CYB5D2: variants seen among roughly 807,000 people sequenced by gnomAD.
CYB5D2 encodes neuferricin.
In CYB5D2, 23 loss-of-function variants were observed where a neutral mutation model predicts 22.8. That is an observed-to-expected ratio of 1.01 (90% confidence interval 0.73 to 1.43). CYB5D2 has a LOEUF of 1.43. CYB5D2 is among the 40% of genes most tolerant of loss of function. The pLI, the probability that CYB5D2 is intolerant of heterozygous loss-of-function variation, is 0.00. For synonymous variants in CYB5D2, 170 were observed against 152.2 expected (o/e 1.12, Z -0.86); for missense variants, 373 against 357.2 (o/e 1.04, Z -0.36).
At chr17:4,144,046 G>C (rs746341306) in intron 1 of CYB5D2, 41 bp downstream of exon 1, 2 of 1,539,146 alleles carry the variant, frequency 1.3e-6, no homozygotes, top group South Asian at 2.5e-5. Context: ...CCGCTGGCGC[G>C]AGCCAGTAGC....
chr17:4,156,496 G>A (rs189660537), intron 3 of CYB5D2, among the ~76,000 whole-genome samples: 4 of 152,378 alleles, frequency 2.6e-5, no homozygotes, highest in East Asian at 3.9e-4. Flanking sequence ...GAGGACAGTC[G>A]CACCCAGACA....
At position 4,154,679 on chromosome 17, in the gene CYB5D2, GT is replaced by G. The variant is rs1263641449; in HGVS notation, c.398del (p.Val133GlyfsTer16). On this transcript the variant is annotated frameshift_variant, in exon 3 of 4. Transcript: ENST00000301391. LOFTEE classifies it high-confidence loss of function. ...YEKNYVCVGRVTGRFYGEDGL... is the reference protein window; with the variant it reads ...YEKNYVCVGRXTGRFYGEDGL... ...CTGCCTTCCTGTCATCACAGGGAGG[GT>G]GACAGGACGGTTCTACGGAGAGGAT... 6.2e-7 allele frequency: 1 copy of G among 1,613,542 alleles called. No individual in the cohort carries two copies. Among genetic ancestry groups the G allele is most frequent in the Non-Finnish European group, 8.5e-7 (1 of 1,179,768 alleles).
chr17:4,149,813 AAG>A, intron 1 of CYB5D2, 76 bp from the exon 2 acceptor site: 3 of 1,545,678 alleles, frequency 1.9e-6, no homozygotes, highest in Non-Finnish European at 1.7e-6. Flanking sequence ...AAAAAAGAAA[AAG>A]AAAGAAAACA....
intron 3 of CYB5D2, among the ~76,000 whole-genome samples, chr17:4,155,744 G>T (rs1054917599): frequency 6.6e-6 from 1 of 152,202 alleles, no homozygotes; most frequent in Non-Finnish European, 1.5e-5. Context: ...GCCTGCGTGC[G>T]TTCAGATGCT....
Position 4,151,998 on chromosome 17 carries a change from CCT to C in CYB5D2, c.391+1968_391+1969del, listed in dbSNP as rs561393193. 5.2e-3 allele frequency among the ~76,000 whole-genome samples: 772 copies of C among 149,870 alleles called. 7 individuals carry two copies. Among genetic ancestry groups the C allele is most frequent in the African/African-American group, 0.018 (735 of 40,348 alleles). The stretch of plus-strand genomic sequence containing the variant: ...TCCAGCCTGGGCAACGGAGTGAGAC[CCT>C]GTCTCAAAAAAAAAAAAAAAAGAAC... On this transcript the variant is annotated intron_variant, in intron 2 of 3. Coordinates refer to ENST00000301391, the MANE Select transcript of CYB5D2 (RefSeq NM_144611.4).
intron 1 of CYB5D2, among the ~76,000 whole-genome samples, chr17:4,145,182 A>G (rs984037853): frequency 1.4e-4 from 21 of 152,368 alleles, no homozygotes; most frequent in African/African-American, 4.1e-4. Flanking sequence ...GCCTAAGATC[A>G]GCTACTAGGC....
At chr17:4,154,233 C>A (rs8078296) in intron 2 of CYB5D2, among the ~76,000 whole-genome samples, 3 of 152,156 alleles carry the variant, frequency 2.0e-5, no homozygotes, top group Non-Finnish European at 4.4e-5. Context: ...ATTGCTTGAG[C>A]CCAGAAGTTC....
rs112511134 is a variant in CYB5D2, at chr17:4,146,219, G to A, written c.250+2214G>A. Among the ~76,000 whole-genome samples the A allele has an allele frequency of 1.1e-3, 168 of 151,120 alleles. 2 individuals are homozygous for A. Among genetic ancestry groups the A allele is most frequent in the African/African-American group, 3.9e-3 (159 of 41,058 alleles). ...CAATATTCTTGTGCCCCAGCCTCCC[G>A]AGGAGCTAGGATTACAGGCGTGTGC... On this transcript the variant is annotated intron_variant, in intron 1 of 3. Transcript: ENST00000301391.
intron 1 of CYB5D2, among the ~76,000 whole-genome samples, chr17:4,146,055 G>A (rs1392169675): frequency 6.6e-6 from 1 of 152,064 alleles, no homozygotes; most frequent in Non-Finnish European, 1.5e-5. Context: ...CGCTGAAAGT[G>A]TTGGGATTAC....
chr17:4,146,918 A>G (rs2058998905), intron 1 of CYB5D2, among the ~76,000 whole-genome samples: 1 of 151,922 alleles, frequency 6.6e-6, no homozygotes, highest in Admixed American at 6.6e-5. Context: ...ACCTAGCATC[A>G]TGTTTTAAGG....
chr17:4,146,728 A>G (rs2058996938), intron 1 of CYB5D2, among the ~76,000 whole-genome samples: 2 of 151,736 alleles, frequency 1.3e-5, no homozygotes, highest in South Asian at 2.1e-4. Context: ...GAAATTTGTA[A>G]AAATGTCACC....
At position 4,156,979 on chromosome 17, in the gene CYB5D2, C is replaced by T. The variant is rs141654519; in HGVS notation, c.692C>T (p.Pro231Leu). Residue 231 changes from proline (P) to leucine (L), a missense_variant, in exon 4 of 4, where the codon CCG becomes CTG. Transcript: ENST00000301391. Reference protein sequence around the residue: ...RTTGPPSGQMPDNPPHRNRGD... With the variant: ...RTTGPPSGQMLDNPPHRNRGD... ...ACCGGCCCCCCTAGTGGCCAGATGCCGGACAACCCTCCACACAGAAATCGT... is the reference window on the plus strand; with the variant it reads ...ACCGGCCCCCCTAGTGGCCAGATGCTGGACAACCCTCCACACAGAAATCGT... 2.5e-5 allele frequency: 40 copies of T among 1,612,744 alleles called. No homozygotes were observed. Among genetic ancestry groups the T allele is most frequent in the Middle Eastern group, 4.0e-4 (2 of 4,986 alleles).
At chr17:4,150,105 T>C in intron 2 of CYB5D2, 74 bp downstream of exon 2, 1 of 1,560,884 alleles carries the variant, frequency 6.4e-7, no homozygotes, top group Non-Finnish European at 8.7e-7. Flanking sequence ...TTTTTAGGGA[T>C]TGGGTTCAAG....
Position 4,143,529 on chromosome 17 carries a change from G to GAAAA in CYB5D2, c.-215_-212dup. ...CAACAAGAGCTAAAACTCTGTCTCA[G>GAAAA]AAAAAAAAAAAAAAAGTACCTGGAA... On this transcript the variant is annotated 5_prime_UTR_variant, in exon 1 of 4. Transcript: ENST00000301391. The GAAAA allele has an allele frequency of 2.8e-6, 1 of 357,060 alleles. No homozygotes were observed. The allele number at this position is 357,060 out of a possible 1,614,324, so 22.1% of individuals were successfully genotyped here.
intron 3 of CYB5D2, 144 bp from the exon 4 acceptor site, chr17:4,156,722 C>T (rs2059115630): frequency 3.5e-6 from 3 of 849,840 alleles, no homozygotes; most frequent in Non-Finnish European, 5.4e-6. Flanking sequence ...GGCTCAGGGG[C>T]TGAGCGCTGT....
rs762949648 is a variant in CYB5D2 at position 4,156,848 on chromosome 17, C to G, written c.579-18C>G. 8 of 1,612,066 alleles carry G rather than the reference C, an allele frequency of 5.0e-6. No individual in the cohort carries two copies. Among genetic ancestry groups the G allele is most frequent in the Non-Finnish European group, 6.8e-6 (8 of 1,179,782 alleles). ...TGAGTTCTCACATTTAAGAAGTCCTCTTTCCGTCTATCCTTAGTGGAGGTG... is the reference window on the plus strand; with the variant it reads ...TGAGTTCTCACATTTAAGAAGTCCTGTTTCCGTCTATCCTTAGTGGAGGTG... On this transcript the variant is annotated intron_variant, in intron 3 of 3. Transcript: ENST00000301391.
chr17:4,152,344 G>C (rs1237872480), intron 2 of CYB5D2, among the ~76,000 whole-genome samples: 1 of 152,146 alleles, frequency 6.6e-6, no homozygotes, highest in South Asian at 2.1e-4. Context: ...GCTCTTTCAG[G>C]TTACCAGAAA....
chr17:4,144,062 G>C, intron 1 of CYB5D2, 57 bp downstream of exon 1: 1 of 1,526,146 alleles, frequency 6.6e-7, no homozygotes, highest in Middle Eastern at 2.5e-4. Context: ...GTAGCCACCT[G>C]CGCGTCGTTC....
At chr17:4,145,081 C>T (rs960079318) in intron 1 of CYB5D2, among the ~76,000 whole-genome samples, 32 of 152,160 alleles carry the variant, frequency 2.1e-4, no homozygotes, top group African/African-American at 6.5e-4. Flanking sequence ...CCACCACACC[C>T]GGCCAGCCTA....
Sources: gnomAD v4.1 joint callset for allele counts (sites outside exome capture counted in the v4.1 genomes callset) on GRCh38, gnomAD v4.1.1 for gene constraint, MANE v1.5 for transcripts, NCBI Gene and HGNC (gene_info 2026-07-23, HGNC 2026-07-21) for gene names.